Variants in ZNF726 observed in about 807,000 individuals in gnomAD.
ZNF726 encodes the protein zinc finger protein 92 pseudogene 3.
In ZNF726, 15 loss-of-function variants were observed where a neutral mutation model predicts 11.6. The ratio of observed to expected loss-of-function variants is 1.29; its 90% CI spans 0.86 to 1.99. ZNF726 has a LOEUF of 1.99. ZNF726 is among the 30% of genes most tolerant of loss of function. The pLI is 0.00. For missense variants in ZNF726, 890 were observed against 725.6 expected (o/e 1.23, Z -2.60); for synonymous variants, 295 against 243.6 (o/e 1.21, Z -1.96).
chr19:23,927,991 AGGTGTTTG>A (rs1291091007), intron 3 of ZNF726: 1 of 152,064 alleles, frequency 6.6e-6, no homozygotes, highest in Non-Finnish European at 1.5e-5. Flanking sequence ...ACCTGGTGGG[AGGTGTTTG>A]GGTCATGGGG....
chr19:23,931,043 T>G (rs1968092955), intron 3 of ZNF726, among the ~76,000 whole-genome samples: 1 of 152,222 alleles, frequency 6.6e-6, no homozygotes, highest in Non-Finnish European at 1.5e-5. Context: ...TGATCTCAGC[T>G]CACTGCAACC....
At chr19:23,925,021 C>T (rs1967949248) in intron 3 of ZNF726, among the ~76,000 whole-genome samples, 1 of 152,150 alleles carries the variant, frequency 6.6e-6, no homozygotes, top group Non-Finnish European at 1.5e-5. Context: ...CCATTTTATG[C>T]TCTCTTTAGC....
At chr19:23,936,283 G>A (rs1455786470), downstream of ZNF726, 1 of 152,152 alleles carries the variant, frequency 6.6e-6, no homozygotes, top group Non-Finnish European at 1.5e-5. Flanking sequence ...CTAAATCAGT[G>A]CTGAGTATAG....
rs1011477666 is a variant in ZNF726, at chr19:23,932,710, G to T, written c.594G>T (p.Glu198Asp). The change falls in exon 4 of 4, where the codon GAG becomes GAT. Residue 198 changes from glutamate to aspartate, a missense_variant. Physicochemically the swap from Glu to Asp is conservative, Grantham distance 45 (BLOSUM62 2). Transcript: ENST00000594466. ...AGCATAAAAGCATATATACTACAGA[G>T]AAGTCCTACAAATGTAAAGAATGTG... Reference protein sequence around the residue: ...KTQHKSIYTTEKSYKCKECGK... With the variant: ...KTQHKSIYTTDKSYKCKECGK... 2.5e-6 allele frequency: 4 copies of T among 1,607,366 alleles called. No individual in the cohort carries two copies. Among genetic ancestry groups the T allele is most frequent in the East Asian group, 4.5e-5 (2 of 44,828 alleles).
chr19:23,936,738 A>G (rs901336718), downstream of ZNF726, among the ~76,000 whole-genome samples: 5 of 150,266 alleles, frequency 3.3e-5, no homozygotes, highest in Admixed American at 3.3e-4. Flanking sequence ...TTTGATTTTT[A>G]TTTTTATTTT....
rs1555731947 is a variant in ZNF726, at chr19:23,919,357, T to A, written c.4-16T>A. The stretch of plus-strand genomic sequence containing the variant: ...TAGCCACTTTGTAAATATGTGTGTT[T>A]GTGTGTATTTTCCAGGGACTGTTGA... On this transcript the variant is annotated splice_polypyrimidine_tract_variant and intron_variant, in intron 1 of 3. Transcript: ENST00000594466. The A allele has an allele frequency of 6.2e-7, 1 of 1,600,190 alleles. No homozygotes were observed. Among genetic ancestry groups the A allele is most frequent in the African/African-American group, 1.3e-5 (1 of 74,710 alleles).
In ZNF726 at chr19:23,932,808, G is replaced by T; in HGVS notation, c.692G>T (p.Cys231Phe). 1 of 1,610,288 alleles carries T rather than the reference G, an allele frequency of 6.2e-7. No homozygotes were observed. Residue 231 changes from cysteine to phenylalanine, a missense_variant, in exon 4 of 4, where the codon TGT becomes TTT. Cys to Phe is a radical substitution (Grantham distance 205, BLOSUM62 -2). Transcript: ENST00000594466. ...CATACTGAAGAAAAGCCCTACAAATGTGAAGAATATGGCAAAGCTTTTAAT... is the reference window on the plus strand; with the variant it reads ...CATACTGAAGAAAAGCCCTACAAATTTGAAGAATATGGCAAAGCTTTTAAT... ...KTHTEEKPYKCEEYGKAFNQS... is the reference protein window; with the variant it reads ...KTHTEEKPYKFEEYGKAFNQS...
intron 1 of ZNF726, chr19:23,919,119 A>G (rs1368127916): frequency 3.9e-5 from 14 of 361,492 alleles, no homozygotes; most frequent in Non-Finnish European, 6.3e-5. Flanking sequence ...ACATGTTAGT[A>G]CATTTTTACA....
At chr19:23,939,613 C>T (rs1032714238) in intron 3 of ZNF726, among the ~76,000 whole-genome samples, 10 of 152,028 alleles carry the variant, frequency 6.6e-5, no homozygotes, top group Non-Finnish European at 1.2e-4. Flanking sequence ...TTTTCCATAG[C>T]GGCTGTACTA....
chr19:23,943,710 T>C (rs1269629823), intron 4 of ZNF726: 2 of 418,146 alleles, frequency 4.8e-6, no homozygotes, highest in South Asian at 7.3e-5. Context: ...CTAAAAAGCC[T>C]TTTTTTTTCC....
intron 1 of ZNF726, among the ~76,000 whole-genome samples, chr19:23,916,740 T>C (rs758323637): frequency 3.9e-5 from 6 of 152,188 alleles, no homozygotes; most frequent in Non-Finnish European, 8.8e-5. Flanking sequence ...TTGTAAAATA[T>C]CTGTGTTTTT....
At position 23,933,576 on chromosome 19, in the gene ZNF726, G is replaced by C; in HGVS notation, c.1460G>C (p.Gly487Ala). 1.2e-6 allele frequency: 2 copies of C among 1,610,362 alleles called. No homozygotes were observed. The highest frequency in any genetic ancestry group is 1.1e-5 in the South Asian group (1 of 90,952). ...GEKPYKCEEC[G>A]KAFSQSSTLT... The stretch of plus-strand genomic sequence containing the variant: ...AAACCCTACAAATGTGAAGAATGTG[G>C]CAAAGCTTTTAGCCAGTCCTCAACC... Residue 487 changes from glycine to alanine, a missense_variant, in exon 4 of 4, where the codon GGC (glycine) becomes GCC (alanine). Gly to Ala is a moderately conservative substitution (Grantham distance 60). Transcript: ENST00000594466.
In ZNF726 at chr19:23,920,134, G is replaced by A. The variant is rs1967807162; in HGVS notation, c.226+52G>A. ...ACCTGGATGAGAGGTCCAACGTCAA[G>A]AAGAAAGCCAGTCTTTAAAGTGATT... On this transcript the variant is annotated intron_variant, in intron 3 of 3. Transcript: ENST00000594466. 4 of 1,299,214 alleles carry A rather than the reference G, an allele frequency of 3.1e-6. No individual in the cohort carries two copies. In the East Asian group the frequency reaches 1.1e-4, roughly 35 times the overall value. 80.5% of individuals were successfully genotyped at this position (1,299,214 alleles called of 1,614,324 possible). A position where few individuals can be genotyped will look rare whatever the true frequency, so the allele number is the denominator to read the frequency against.
At chr19:23,940,924 A>T (rs757316230) in intron 3 of ZNF726, among the ~76,000 whole-genome samples, 1 of 152,164 alleles carries the variant, frequency 6.6e-6, no homozygotes, top group Non-Finnish European at 1.5e-5. Flanking sequence ...TTATCATATC[A>T]TCAGCAAACA....
In ZNF726 at chr19:23,919,428, G is replaced by T; in HGVS notation, c.59G>T (p.Cys20Phe). 1.2e-6 allele frequency: 2 copies of T among 1,608,358 alleles called. No individual in the cohort carries two copies. Among genetic ancestry groups the T allele is most frequent in the Non-Finnish European group, 1.7e-6 (2 of 1,176,556 alleles). Residue 20 changes from cysteine (C) to phenylalanine (F), a missense_variant, in exon 2 of 4, where the codon TGC becomes TTC. Cys to Phe is a radical substitution (Grantham distance 205, BLOSUM62 -2). Transcript: ENST00000594466. Reference protein sequence around the residue: ...AIEFSLEEWQCLDTAQKNLYR... With the variant: ...AIEFSLEEWQFLDTAQKNLYR... Reference sequence around the variant, plus strand: ...GAATTCTCTCTGGAGGAGTGGCAGTGCCTGGACACTGCACAGAAGAATTTA... The same window carrying T: ...GAATTCTCTCTGGAGGAGTGGCAGTTCCTGGACACTGCACAGAAGAATTTA...
downstream of ZNF726, among the ~76,000 whole-genome samples, chr19:23,937,780 A>G (rs1331584549): frequency 6.6e-6 from 1 of 152,168 alleles, no homozygotes; most frequent in Non-Finnish European, 1.5e-5. Context: ...GCACTTTGGG[A>G]GGCCAAGGCA....
chr19:23,932,527 C>T lies in ZNF726; in HGVS notation c.411C>T (p.Phe137=). ...GTTATAATGGACTTAACCAGTGTTT[C>T]ACAACTACCCAGGGCAAAGCTTCTC... ...KEGYNGLNQC[F]TTTQGKASQC... is the part of the protein sequence containing the mutation. The change falls in exon 4 of 4, where the codon TTC becomes TTT. Residue 137 remains phenylalanine, a synonymous_variant. Coordinates refer to ENST00000594466, the MANE Select transcript of ZNF726 (RefSeq NM_001244038.2). 6.3e-7 allele frequency: 1 copy of T among 1,584,222 alleles called. No homozygotes were observed. The highest frequency in any genetic ancestry group is 8.5e-7 in the Non-Finnish European group (1 of 1,170,790).
downstream of ZNF726, among the ~76,000 whole-genome samples, chr19:23,938,458 T>C (rs1051353764): frequency 6.6e-6 from 1 of 152,146 alleles, no homozygotes. Context: ...AAATCTATCC[T>C]CTGTACTTTG....
intron 1 of ZNF726, among the ~76,000 whole-genome samples, chr19:23,916,123 T>G (rs952102479): frequency 2.0e-5 from 3 of 152,116 alleles, no homozygotes; most frequent in African/African-American, 4.8e-5. Flanking sequence ...ACTGATTTTT[T>G]CCCTGAATTT....
Sources: gnomAD v4.1 joint callset for allele counts (sites outside exome capture counted in the v4.1 genomes callset) on GRCh38, gnomAD v4.1.1 for gene constraint, MANE v1.5 for transcripts, NCBI Gene and HGNC (gene_info 2026-07-23, HGNC 2026-07-21) for gene names.